CEP85: variants seen among roughly 807,000 people sequenced by gnomAD.
The protein encoded by CEP85 is centrosomal protein of 85 kDa.
CEP85 carries 58 observed loss-of-function variants against 93.7 expected under a neutral mutation model. That is an observed-to-expected ratio of 0.62 (90% CI 0.50 to 0.77). The LOEUF (loss-of-function observed/expected upper bound fraction) is 0.77, where lower values mean the gene tolerates loss of function less well. Ranked by LOEUF, CEP85 falls within the 30% of genes least tolerant of loss-of-function variation. The pLI is 0.00. For synonymous variants in CEP85, 314 were observed against 338.6 expected (o/e 0.93, Z 0.80); for missense variants, 868 against 922.0 (o/e 0.94, Z 0.76).
chr1:26,256,563 T>C (rs2089705016), intron 4 of CEP85, among the ~76,000 whole-genome samples: 1 of 151,636 alleles, frequency 6.6e-6, no homozygotes, highest in South Asian at 2.1e-4. Context: ...AAAACCTTCT[T>C]TGAGCCCCTG....
chr1:26,259,724 T>G lies in CEP85; in HGVS notation c.1263T>G (p.Val421=), dbSNP rs2089777266. The change falls in exon 7 of 14, where the codon GTT becomes GTG. Residue 421 remains valine, a synonymous_variant. Coordinates refer to ENST00000451429, the MANE Select transcript of CEP85 (RefSeq NM_001319944.2). The stretch of plus-strand genomic sequence containing the variant: ...AAAAGAAACTCTCTGCTTCTGAAGT[T>G]GAAGTCCAGCTCATCAGAGAGTCGC... ...DLEKKLSASE[V]EVQLIRESLK... The G allele has an allele frequency of 1.2e-6, 2 of 1,614,012 alleles. No homozygotes were observed. The highest frequency in any genetic ancestry group is 1.7e-6 in the Non-Finnish European group (2 of 1,179,996).
At chr1:26,236,240 G>T (rs575107703) in intron 1 of CEP85, among the ~76,000 whole-genome samples, 2 of 152,304 alleles carry the variant, frequency 1.3e-5, no homozygotes, top group Admixed American at 1.3e-4. Flanking sequence ...TCATAGGGTT[G>T]ATGTGAACAT....
intron 7 of CEP85, among the ~76,000 whole-genome samples, chr1:26,262,042 T>C (rs2089818240): frequency 6.6e-6 from 1 of 152,002 alleles, no homozygotes; most frequent in South Asian, 2.1e-4. Flanking sequence ...GCACGATGGC[T>C]TACACCTGTA....
chr1:26,266,872 C>T (rs892379064), intron 7 of CEP85, among the ~76,000 whole-genome samples: 10 of 152,350 alleles, frequency 6.6e-5, no homozygotes, highest in African/African-American at 2.2e-4. Context: ...TGATTATTAG[C>T]AAACAGACAT....
chr1:26,255,563 C>T lies in CEP85; in HGVS notation c.601C>T (p.Pro201Ser). 1 of 1,614,034 alleles carries T rather than the reference C, an allele frequency of 6.2e-7. No homozygotes were observed. Among genetic ancestry groups the T allele is most frequent in the Non-Finnish European group, 8.5e-7 (1 of 1,180,012 alleles). Reference sequence around the variant, plus strand: ...AATGATGGAGACACTTTATTCAGATCCTCACCACCGAGTCCGCTTCCACAA... The same window carrying T: ...AATGATGGAGACACTTTATTCAGATTCTCACCACCGAGTCCGCTTCCACAA... ...SAMMETLYSDPHHRVRFHNPR... is the reference protein window; with the variant it reads ...SAMMETLYSDSHHRVRFHNPR... The change falls in exon 4 of 14, where the codon CCT becomes TCT. Residue 201 changes from proline to serine, a missense_variant. Physicochemically the swap from Pro to Ser is moderately conservative, Grantham distance 74 (BLOSUM62 -1). Coordinates refer to ENST00000451429, the MANE Select transcript of CEP85 (RefSeq NM_001319944.2).
intron 3 of CEP85, among the ~76,000 whole-genome samples, chr1:26,246,869 TAAAA>T (rs1040717799): frequency 4.6e-5 from 7 of 151,836 alleles, no homozygotes; most frequent in Admixed American, 4.6e-4. Flanking sequence ...TATATGAAGT[TAAAA>T]AAAAGCCAGA....
rs1249921382 is a variant in CEP85, at chr1:26,239,841, G to A, written c.55+3G>A. ...GATCTCTCACGTCACTTCACCGAGTGAGTAGTCAGAAGTTTTCTGGGTTAA... is the reference window on the plus strand; with the variant it reads ...GATCTCTCACGTCACTTCACCGAGTAAGTAGTCAGAAGTTTTCTGGGTTAA... On this transcript the variant is annotated splice_donor_region_variant and intron_variant, in intron 2 of 13. Coordinates refer to ENST00000451429, the MANE Select transcript of CEP85 (RefSeq NM_001319944.2). 1.9e-6 allele frequency: 3 copies of A among 1,611,136 alleles called. No homozygotes were observed. The highest frequency in any genetic ancestry group is 2.5e-6 in the Non-Finnish European group (3 of 1,177,434).
chr1:26,266,886 T>G (rs1351223358), intron 7 of CEP85, among the ~76,000 whole-genome samples: 2 of 152,244 alleles, frequency 1.3e-5, no homozygotes, highest in Non-Finnish European at 2.9e-5. Flanking sequence ...CAGACATAGC[T>G]CTTTCTCTCA....
In CEP85 at chr1:26,235,567, C is replaced by CTTTTTTTTTTTTTTTTTTTTTT. The variant is rs1192252673; in HGVS notation, c.-23+1277_-23+1278insTTTTTTTTTTTTTTTTTTTTTT. Among the ~76,000 whole-genome samples the CTTTTTTTTTTTTTTTTTTTTTT allele has an allele frequency of 1.7e-4, 16 of 95,582 alleles. 1 individual carries two copies. The highest frequency in any genetic ancestry group is 6.2e-4 in the African/African-American group (14 of 22,712). The allele number at this position is 95,582 out of a possible 152,430, so 62.7% of individuals were successfully genotyped here. A position where few individuals can be genotyped will look rare whatever the true frequency, so the allele number is the denominator to read the frequency against. ...GATGTTCCACACTTAGATTGTAATT[C>CTTTTTTTTTTTTTTTTTTTTTT]TTTTTTTTTTTTTTTTTTTTGTGAG... On this transcript the variant is annotated intron_variant, in intron 1 of 13. Coordinates refer to ENST00000451429, the MANE Select transcript of CEP85 (RefSeq NM_001319944.2).
chr1:26,257,741 A>G lies in CEP85; in HGVS notation c.1037+11A>G, dbSNP rs757601228. 3.7e-6 allele frequency: 6 copies of G among 1,613,998 alleles called. No homozygotes were observed. The South Asian group carries it at 6.6e-5, about 18-fold the overall frequency. On this transcript the variant is annotated intron_variant, in intron 5 of 13. Transcript: ENST00000451429. ...GCTTCTCATTGACAAGTAAGAGGGCAAGGGGTACCACAGAGCCAGACTACT... is the reference window on the plus strand; with the variant it reads ...GCTTCTCATTGACAAGTAAGAGGGCGAGGGGTACCACAGAGCCAGACTACT...
intron 3 of CEP85, among the ~76,000 whole-genome samples, chr1:26,249,108 G>C (rs1308286726): frequency 1.3e-5 from 2 of 151,946 alleles, no homozygotes; most frequent in East Asian, 3.9e-4. Context: ...TTGAGACGGA[G>C]TCTCACTCTG....
intron 7 of CEP85, among the ~76,000 whole-genome samples, chr1:26,262,485 A>C (rs760711072): frequency 2.4e-4 from 36 of 152,142 alleles, no homozygotes; most frequent in African/African-American, 6.3e-4. Context: ...CTGTCTCAAA[A>C]AAAACAAAAC....
At chr1:26,259,980 C>T (rs986082684) in intron 7 of CEP85, among the ~76,000 whole-genome samples, 178 bp downstream of exon 7, 1 of 152,110 alleles carries the variant, frequency 6.6e-6, no homozygotes, top group Admixed American at 6.6e-5. Flanking sequence ...AACTCTCCTC[C>T]CTCCCTCATT....
At chr1:26,274,574 G>A (rs917257482) in intron 11 of CEP85, among the ~76,000 whole-genome samples, 1 of 152,180 alleles carries the variant, frequency 6.6e-6, no homozygotes, top group African/African-American at 2.4e-5. Context: ...TTTCCTGGAG[G>A]TAACAGCAGA....
intron 5 of CEP85, 133 bp downstream of exon 5, chr1:26,257,863 T>A (rs899400878): frequency 1.0e-5 from 10 of 997,388 alleles, no homozygotes; most frequent in African/African-American, 1.6e-5. Flanking sequence ...GTGGAGGTAG[T>A]TTGATAAGCA....
At chr1:26,255,947 C>G in intron 4 of CEP85, 82 bp downstream of exon 4, 3 of 1,274,678 alleles carry the variant, frequency 2.4e-6, no homozygotes, top group Non-Finnish European at 3.2e-6. Flanking sequence ...TGAATTTTGG[C>G]TTAAAGAAAA....
At chr1:26,257,483 T>C in intron 4 of CEP85, 114 bp from the exon 5 acceptor site, 1 of 1,240,712 alleles carries the variant, frequency 8.1e-7, no homozygotes, top group Non-Finnish European at 1.1e-6. Flanking sequence ...ACATTGGGCC[T>C]CATCAGGCTG....
chr1:26,240,492 T>C (rs1420430152), intron 2 of CEP85, among the ~76,000 whole-genome samples: 1 of 152,156 alleles, frequency 6.6e-6, no homozygotes, highest in Non-Finnish European at 1.5e-5. Context: ...GTAAATGCTA[T>C]GTAAATAGTT....
At chr1:26,234,748 C>T (rs764585264) in intron 1 of CEP85, among the ~76,000 whole-genome samples, 22 of 152,152 alleles carry the variant, frequency 1.4e-4, no homozygotes, top group Non-Finnish European at 3.1e-4. Context: ...GAGCCCTCCC[C>T]GAGGAGGAGA....
Sources: gnomAD v4.1 joint callset for allele counts (sites outside exome capture counted in the v4.1 genomes callset) on GRCh38, gnomAD v4.1.1 for gene constraint, MANE v1.5 for transcripts, NCBI Gene and HGNC (gene_info 2026-07-23, HGNC 2026-07-21) for gene names.